MAF: variants seen among roughly 807,000 people sequenced by gnomAD.
The protein encoded by MAF is transcription factor Maf.
A neutral mutation model predicts 22.0 loss-of-function variants in MAF; 10 were observed. That is an observed-to-expected ratio of 0.45 (90% CI 0.28 to 0.77). The LOEUF (loss-of-function observed/expected upper bound fraction) is 0.77, where lower values mean the gene tolerates loss of function less well. MAF is among the 30% of genes least tolerant of loss of function. MAF has a pLI of 0.12. For missense variants in MAF, 544 were observed against 548.4 expected, an observed-to-expected ratio of 0.99 and a Z score of 0.08; for synonymous variants, 337 against 255.8, an observed-to-expected ratio of 1.32 and a Z score of -3.03.
chr16:79,375,553 C>T, the MAF span, among the ~76,000 whole-genome samples: 5 of 151,776 alleles, frequency 3.3e-5, no homozygotes, highest in Non-Finnish European at 1.5e-5. Context: ...ATGATGATGA[C>T]TGTGACAATG....
chr16:79,504,585 G>A, the MAF span, among the ~76,000 whole-genome samples: 3 of 152,118 alleles, frequency 2.0e-5, no homozygotes, highest in African/African-American at 7.2e-5. Flanking sequence ...ACGGATGGAT[G>A]GATGGATGGA....
At chr16:79,377,541 A>G in the MAF span, among the ~76,000 whole-genome samples, 2 of 152,162 alleles carry the variant, frequency 1.3e-5, no homozygotes, top group African/African-American at 4.8e-5. Context: ...ATTAGATCCC[A>G]TTTGTCAATT....
the MAF span, among the ~76,000 whole-genome samples, chr16:79,407,274 G>A: frequency 5.3e-5 from 8 of 152,264 alleles, no homozygotes; most frequent in South Asian, 1.7e-3. Flanking sequence ...CGGGGGACAG[G>A]GGCCTCTTGG....
At chr16:79,226,195 A>G in the MAF span, among the ~76,000 whole-genome samples, 2 of 152,250 alleles carry the variant, frequency 1.3e-5, no homozygotes, top group Non-Finnish European at 2.9e-5. Flanking sequence ...AATACTATGC[A>G]GCCATAAAAA....
At chr16:79,233,999 A>AAG in the MAF span, among the ~76,000 whole-genome samples, 1 of 151,846 alleles carries the variant, frequency 6.6e-6, no homozygotes, top group Non-Finnish European at 1.5e-5. Context: ...CGCAAAAAAA[A>AAG]AAAAAAGAGA....
At chr16:79,347,667 C>T in the MAF span, among the ~76,000 whole-genome samples, 1 of 152,270 alleles carries the variant, frequency 6.6e-6, no homozygotes, top group Middle Eastern at 3.4e-3. Flanking sequence ...TCAGCTCCGC[C>T]GGGCTGGGGA....
At chr16:79,246,011 AAC>A in the MAF span, among the ~76,000 whole-genome samples, 2 of 152,016 alleles carry the variant, frequency 1.3e-5, no homozygotes, top group African/African-American at 4.8e-5. Flanking sequence ...GAACAATGAG[AAC>A]ACATGGACAC....
chr16:79,297,052 G>A, the MAF span, among the ~76,000 whole-genome samples: 50 of 152,124 alleles, frequency 3.3e-4, no homozygotes, highest in Non-Finnish European at 4.7e-4. Flanking sequence ...TCTGCCTGAG[G>A]GCCCTGCTTT....
At chr16:79,341,293 C>T in the MAF span, among the ~76,000 whole-genome samples, 185 of 152,298 alleles carry the variant, frequency 1.2e-3, 1 homozygote, top group Middle Eastern at 0.02. Flanking sequence ...ACAGGGACAG[C>T]AAAAGCACCT....
At chr16:79,469,685 C>T in the MAF span, among the ~76,000 whole-genome samples, 2 of 152,140 alleles carry the variant, frequency 1.3e-5, no homozygotes, top group African/African-American at 4.8e-5. Context: ...CAACCTCTAC[C>T]TCCCAGGTTC....
chr16:79,437,817 C>T, the MAF span, among the ~76,000 whole-genome samples: 103,987 of 152,074 alleles, frequency 0.68, 35,555 homozygotes, highest in East Asian at 0.8. Context: ...TCCCTCACAA[C>T]AGAAACTTCT....
chr16:79,284,271 C>T, the MAF span, among the ~76,000 whole-genome samples: 9 of 152,286 alleles, frequency 5.9e-5, no homozygotes, highest in African/African-American at 1.9e-4. Context: ...AAAGATGTTG[C>T]ACTTCCTTCT....
the MAF span, among the ~76,000 whole-genome samples, chr16:79,328,004 C>T: frequency 6.6e-6 from 1 of 152,180 alleles, no homozygotes; most frequent in South Asian, 2.1e-4. Flanking sequence ...CTGAAATTCC[C>T]TTGAGCCTCA....
At chr16:79,430,163 A>G in the MAF span, among the ~76,000 whole-genome samples, 3 of 152,244 alleles carry the variant, frequency 2.0e-5, no homozygotes, top group Non-Finnish European at 2.9e-5. Flanking sequence ...GCATCCTCAC[A>G]TTTTATGACG....
chr16:79,220,311 G>T, the MAF span, among the ~76,000 whole-genome samples: 1 of 151,270 alleles, frequency 6.6e-6, no homozygotes, highest in Non-Finnish European at 1.5e-5. Context: ...TTTAAGTTTG[G>T]GGGGCAGGAT....
the MAF span, among the ~76,000 whole-genome samples, chr16:79,376,124 CA>C: frequency 2.0e-3 from 305 of 149,558 alleles, 2 homozygotes; most frequent in African/African-American, 7.1e-3. Flanking sequence ...AAAAAAAGAG[CA>C]AAAAAAAATC....
chr16:79,402,854 T>A, the MAF span, among the ~76,000 whole-genome samples: 80 of 151,928 alleles, frequency 5.3e-4, no homozygotes, highest in Admixed American at 4.6e-4. Flanking sequence ...TTCCAAGGAG[T>A]AGAGGAGGGA....
chr16:79,526,661 A>T, the MAF span, among the ~76,000 whole-genome samples: 386 of 152,260 alleles, frequency 2.5e-3, 1 homozygote, highest in African/African-American at 8.7e-3. Flanking sequence ...ACAAAACAAA[A>T]CAACAACAAC....
At chr16:79,321,539 G>A in the MAF span, among the ~76,000 whole-genome samples, 2 of 152,078 alleles carry the variant, frequency 1.3e-5, no homozygotes, top group African/African-American at 4.8e-5. Context: ...GCTTAGCTGA[G>A]GCCAGGAAGG....
Sources: gnomAD v4.1 joint callset for allele counts (sites outside exome capture counted in the v4.1 genomes callset) on GRCh38, gnomAD v4.1.1 for gene constraint, MANE v1.5 for transcripts, NCBI Gene and HGNC (gene_info 2026-07-23, HGNC 2026-07-21) for gene names.